Variants in P2RX7 observed in about 807,000 individuals in gnomAD.
P2RX7 encodes the protein purinergic receptor P2X 7.
A neutral mutation model predicts 71.6 loss-of-function variants in P2RX7; 62 were observed. The observed-to-expected ratio is 0.87, with a 90% CI of 0.71 to 1.07. The LOEUF is 1.07. Among genes scored for constraint, P2RX7 ranks in the 50% least tolerant of loss-of-function variants. The pLI is 0.00. For missense variants in P2RX7, 686 were observed against 748.5 expected (o/e 0.92, Z 0.97); for synonymous variants, 299 against 283.3 (o/e 1.06, Z -0.56).
At chr12:121,150,692 T>C (rs1235049473) in intron 1 of P2RX7, among the ~76,000 whole-genome samples, 1 of 152,228 alleles carries the variant, frequency 6.6e-6, no homozygotes, top group Non-Finnish European at 1.5e-5. Flanking sequence ...GTGGATCACC[T>C]GAGGTCAGGA....
At chr12:121,180,532 A>G (rs1418766489) in intron 12 of P2RX7, 77 bp downstream of exon 12, 3 of 652,484 alleles carry the variant, frequency 4.6e-6, no homozygotes, top group Non-Finnish European at 7.8e-6. Flanking sequence ...AGAAACTTGT[A>G]CAAATCAAAA....
rs940532812 is a variant in P2RX7, at chr12:121,154,733, C to T, written c.126-52C>T. The T allele has an allele frequency of 4.0e-6, 5 of 1,258,710 alleles. No homozygotes were observed. Among genetic ancestry groups the T allele is most frequent in the African/African-American group, 1.5e-5 (1 of 68,188 alleles). The allele number at this position is 1,258,710 out of a possible 1,614,324, so 78.0% of individuals were successfully genotyped here. Reference sequence around the variant, plus strand: ...CCTGCATCCTCCAACGCCTGCATCCCAACCCGCTGTGCTATGCCTCCCGTT... The same window carrying T: ...CCTGCATCCTCCAACGCCTGCATCCTAACCCGCTGTGCTATGCCTCCCGTT... On this transcript the variant is annotated intron_variant, in intron 1 of 12. Transcript: ENST00000328963. This position sits in a 1 kb window ranked among gnomAD's most constrained non-coding sequence, Gnocchi z 4.2.
chr12:121,152,104 C>A (rs921072950), intron 1 of P2RX7, among the ~76,000 whole-genome samples: 5 of 151,918 alleles, frequency 3.3e-5, no homozygotes, highest in Non-Finnish European at 5.9e-5. Flanking sequence ...CTCACCCTCC[C>A]GAGTAGTTGG....
intron 1 of P2RX7, among the ~76,000 whole-genome samples, chr12:121,134,333 A>G (rs114701429): frequency 0.017 from 2,577 of 152,078 alleles, 89 homozygotes; most frequent in African/African-American, 0.059. Flanking sequence ...GAGGGATCCA[A>G]TTTCTCCACA....
intron 12 of P2RX7, 71 bp downstream of exon 12, chr12:121,180,526 A>G (rs1484766254): frequency 2.8e-6 from 2 of 713,744 alleles, no homozygotes; most frequent in Non-Finnish European, 4.7e-6. Flanking sequence ...ACATCTAGAA[A>G]CTTGTACAAA....
chr12:121,177,204 T>A lies in P2RX7; in HGVS notation c.1030T>A (p.Phe344Ile), dbSNP rs1179439098. The A allele has an allele frequency of 6.2e-7, 1 of 1,614,054 alleles. No homozygotes were observed. The highest frequency in any genetic ancestry group is 1.3e-5 in the African/African-American group (1 of 74,936). The change falls in exon 10 of 13, where the codon TTC (phenylalanine) becomes ATC (isoleucine). Residue 344 changes from phenylalanine (F) to isoleucine (I), a missense_variant. Physicochemically the swap from Phe to Ile is conservative, Grantham distance 21. Transcript: ENST00000328963. ...GTACATCGGCTCAACCCTCTCCTACTTCGGTCTGGTAAGAGATTCTCTTTT... is the reference window on the plus strand; with the variant it reads ...GTACATCGGCTCAACCCTCTCCTACATCGGTCTGGTAAGAGATTCTCTTTT... ...VVYIGSTLSY[F>I]GLAAVFIDFL...
At position 121,187,741 on chromosome 12, in the gene P2RX7, T is replaced by C. The variant is rs2136188933; in HGVS notation, c.*2939T>C. 6.6e-6 allele frequency: 1 copy of C among 152,314 alleles called. No homozygotes were observed. Among genetic ancestry groups the C allele is most frequent in the East Asian group, 1.9e-4 (1 of 5,188 alleles). 9.4% of individuals were successfully genotyped at this position (152,314 alleles called of 1,614,324 possible). A position where few individuals can be genotyped will look rare whatever the true frequency, so the allele number is the denominator to read the frequency against. The stretch of plus-strand genomic sequence containing the variant: ...TATTTGTATTATTTTTAGTTTACTG[T>C]AGAAAATAATGTCACCGCCAAAGGT... On this transcript the variant is annotated 3_prime_UTR_variant, in exon 13 of 13. Coordinates refer to ENST00000328963, the MANE Select transcript of P2RX7 (RefSeq NM_002562.6).
intron 1 of P2RX7, among the ~76,000 whole-genome samples, chr12:121,143,220 C>CAAA (rs1875376613): frequency 7.4e-6 from 1 of 134,502 alleles, no homozygotes. Flanking sequence ...TCTCTCTCTA[C>CAAA]TAAAAAAAAA....
At chr12:121,133,325 T>A (rs1375528116) in intron 1 of P2RX7, among the ~76,000 whole-genome samples, 1 of 151,982 alleles carries the variant, frequency 6.6e-6, no homozygotes, top group Non-Finnish European at 1.5e-5. Flanking sequence ...CTGCTCTACT[T>A]CAGGCCCGCC....
chr12:121,144,694 T>C (rs1196894919), intron 1 of P2RX7, among the ~76,000 whole-genome samples: 1 of 152,006 alleles, frequency 6.6e-6, no homozygotes, highest in Non-Finnish European at 1.5e-5. Flanking sequence ...TAGGAGACTA[T>C]TGGGATGTCC....
At chr12:121,160,367 A>G (rs974494173) in intron 3 of P2RX7, among the ~76,000 whole-genome samples, 3 of 152,096 alleles carry the variant, frequency 2.0e-5, no homozygotes, top group African/African-American at 7.2e-5. Flanking sequence ...GGCTGGTCTC[A>G]GACTCCTGAC....
intron 1 of P2RX7, among the ~76,000 whole-genome samples, chr12:121,144,198 T>A (rs958321053): frequency 1.3e-5 from 2 of 152,182 alleles, no homozygotes; most frequent in African/African-American, 4.8e-5. Flanking sequence ...AATACTAATA[T>A]CCTCTTGTTT....
intron 8 of P2RX7, among the ~76,000 whole-genome samples, chr12:121,173,250 A>C (rs1204970901): frequency 6.6e-6 from 1 of 151,784 alleles, no homozygotes; most frequent in Non-Finnish European, 1.5e-5. Flanking sequence ...CAGTGGTGTG[A>C]TATCGGCTCA....
intron 3 of P2RX7, among the ~76,000 whole-genome samples, chr12:121,157,753 A>C (rs1056016918): frequency 6.6e-6 from 1 of 152,200 alleles, no homozygotes; most frequent in African/African-American, 2.4e-5. Flanking sequence ...TAACTCTGTG[A>C]CCTCAGGCAG....
At chr12:121,180,187 A>G (rs61953403) in intron 11 of P2RX7, among the ~76,000 whole-genome samples, 167 bp from the exon 12 acceptor site, 11,237 of 147,610 alleles carry the variant, frequency 0.076, 608 homozygotes, top group Middle Eastern at 0.14. Flanking sequence ...TCCATTTCTG[A>G]TTTATCTTTA....
intron 6 of P2RX7, among the ~76,000 whole-genome samples, chr12:121,165,666 A>G (rs208305): frequency 6.6e-6 from 1 of 151,972 alleles, no homozygotes. Context: ...GCTGGAGAAC[A>G]CTTTTCCAAG....
At chr12:121,166,290 A>T in intron 7 of P2RX7, 103 bp downstream of exon 7, 1 of 1,246,536 alleles carries the variant, frequency 8.0e-7, no homozygotes, top group Non-Finnish European at 1.1e-6. Context: ...AATGTGGCTC[A>T]CATTTACTGA....
intron 8 of P2RX7, among the ~76,000 whole-genome samples, chr12:121,172,802 G>GT (rs2136123200): frequency 6.6e-6 from 1 of 152,294 alleles, no homozygotes; most frequent in African/African-American, 2.4e-5. Context: ...GTTTTGAGAG[G>GT]TTTTTTAAAA....
At chr12:121,170,002 G>T (rs1044583486) in intron 8 of P2RX7, among the ~76,000 whole-genome samples, 1 of 152,168 alleles carries the variant, frequency 6.6e-6, no homozygotes, top group Non-Finnish European at 1.5e-5. Context: ...ACTCCTTAGT[G>T]CTTATACCTG....
Sources: gnomAD v4.1 joint callset for allele counts (sites outside exome capture counted in the v4.1 genomes callset) on GRCh38, gnomAD v4.1.1 for gene constraint, Gnocchi (gnomAD v3.1) non-coding constraint, MANE v1.5 for transcripts, NCBI Gene and HGNC (gene_info 2026-07-23, HGNC 2026-07-21) for gene names.